The following NRG4 variants were observed in gnomAD, a reference collection of about 807,000 sequenced individuals.
NRG4 encodes pro-neuregulin-4, membrane-bound isoform.
A neutral mutation model predicts 15.0 loss-of-function variants in NRG4; 10 were observed. That is an observed-to-expected ratio of 0.67 (90% CI 0.41 to 1.13). The LOEUF is 1.13. NRG4 is among the 50% of genes most tolerant of loss of function. NRG4 has a pLI of 0.00. For synonymous variants in NRG4, 41 were observed against 50.1 expected, an observed-to-expected ratio of 0.82 and a Z score of 0.77; for missense variants, 139 against 140.2, an observed-to-expected ratio of 0.99 and a Z score of 0.04.
At chr15:75,990,804 T>C (rs2141870625) in intron 3 of NRG4, among the ~76,000 whole-genome samples, 1 of 151,028 alleles carries the variant, frequency 6.6e-6, no homozygotes, top group East Asian at 2.0e-4. Context: ...CACTTCAGCA[T>C]CCTGAGTAGC....
intron 3 of NRG4, among the ~76,000 whole-genome samples, chr15:75,988,492 C>G (rs1156954856): frequency 6.6e-6 from 1 of 152,184 alleles, no homozygotes; most frequent in Non-Finnish European, 1.5e-5. Context: ...CAGCCTACAA[C>G]TCCTTCTAAT....
intron 5 of NRG4, among the ~76,000 whole-genome samples, chr15:76,024,420 T>C (rs1046997866): frequency 1.3e-5 from 2 of 151,982 alleles, no homozygotes; most frequent in African/African-American, 4.8e-5. Flanking sequence ...CAGGACAGCT[T>C]AGAAGCCATG....
intron 3 of NRG4, among the ~76,000 whole-genome samples, chr15:75,989,809 A>C (rs1005573907): frequency 6.6e-6 from 1 of 152,024 alleles, no homozygotes; most frequent in Admixed American, 6.6e-5. Flanking sequence ...TGTATCTAGT[A>C]ATTTTGCATT....
At chr15:76,043,423 T>G (rs1388893258) in intron 4 of NRG4, among the ~76,000 whole-genome samples, 1 of 152,168 alleles carries the variant, frequency 6.6e-6, no homozygotes, top group Non-Finnish European at 1.5e-5. Flanking sequence ...TCAAAAAATT[T>G]AGAACTGATA....
intron 4 of NRG4, among the ~76,000 whole-genome samples, chr15:76,051,241 G>A (rs2036005565): frequency 1.3e-5 from 2 of 148,812 alleles, no homozygotes; most frequent in South Asian, 2.1e-4. Context: ...TCCTGACCTC[G>A]TGATCCGCCC....
At chr15:75,964,828 A>G (rs2032711868) in intron 3 of NRG4, among the ~76,000 whole-genome samples, 1 of 152,094 alleles carries the variant, frequency 6.6e-6, no homozygotes, top group South Asian at 2.1e-4. Flanking sequence ...CAGGAGGCTG[A>G]GGTGGGAGAA....
intron 5 of NRG4, among the ~76,000 whole-genome samples, chr15:76,018,396 T>G (rs547756078): frequency 2.0e-5 from 3 of 152,284 alleles, no homozygotes; most frequent in Admixed American, 2.0e-4. Flanking sequence ...TCCTTTGGAG[T>G]AGAAGAGGCG....
At chr15:76,042,555 A>G (rs1380221842) in intron 4 of NRG4, among the ~76,000 whole-genome samples, 1 of 151,270 alleles carries the variant, frequency 6.6e-6, no homozygotes, top group Non-Finnish European at 1.5e-5. Context: ...TTGAAAAGCC[A>G]AGAAGAAATG....
intron 3 of NRG4, among the ~76,000 whole-genome samples, chr15:76,003,261 TAAAC>T (rs1003906510): frequency 3.7e-4 from 56 of 152,248 alleles, no homozygotes; most frequent in African/African-American, 1.2e-3. Flanking sequence ...ACATTTGAAT[TAAAC>T]AAAATGAAAA....
chr15:76,004,492 A>C (rs1596012377), intron 3 of NRG4, among the ~76,000 whole-genome samples: 1 of 151,518 alleles, frequency 6.6e-6, no homozygotes, highest in South Asian at 2.1e-4. Flanking sequence ...CCAGCTACTC[A>C]GGAGGCTGAG....
At chr15:76,025,864 G>A (rs1267959857) in intron 5 of NRG4, among the ~76,000 whole-genome samples, 1 of 151,884 alleles carries the variant, frequency 6.6e-6, no homozygotes, top group South Asian at 2.1e-4. Flanking sequence ...GTGACAGAGT[G>A]AGACTTTGTC....
intron 5 of NRG4, among the ~76,000 whole-genome samples, chr15:75,954,268 T>G (rs11634260): frequency 0.18 from 27,652 of 150,074 alleles, 2,940 homozygotes; most frequent in Non-Finnish European, 0.25. Flanking sequence ...TTTTTTTGTT[T>G]TTTTTTTTTT....
At chr15:76,030,075 G>T (rs185177289) in intron 5 of NRG4, among the ~76,000 whole-genome samples, 2 of 152,034 alleles carry the variant, frequency 1.3e-5, no homozygotes, top group African/African-American at 2.4e-5. Flanking sequence ...TGGCTAACAC[G>T]GTGAAACCCC....
At position 75,941,285 on chromosome 15, in the gene NRG4, G is replaced by A. The variant is rs146614515; in HGVS notation, c.*2353C>T. On this transcript the variant is annotated 3_prime_UTR_variant, in exon 6 of 6. Coordinates refer to ENST00000394907, the MANE Select transcript of NRG4 (RefSeq NM_138573.4). ...TTATTAAAATTAAAAAAACACACAA[G>A]TGTTGGCAAGGATGTGGAGAAATTG... 3.9e-5 allele frequency: 6 copies of A among 152,106 alleles called. No homozygotes were observed. The highest frequency in any genetic ancestry group is 1.4e-4 in the African/African-American group (6 of 41,428). The allele number at this position is 152,106 out of a possible 1,614,324, so 9.4% of individuals were successfully genotyped here.
At chr15:76,013,540 C>T (rs139394361), upstream of NRG4, among the ~76,000 whole-genome samples, 85 of 152,192 alleles carry the variant, frequency 5.6e-4, no homozygotes, top group South Asian at 2.7e-3. Flanking sequence ...TGTTCTCCTC[C>T]CTGTGTCCAT....
intron 4 of NRG4, among the ~76,000 whole-genome samples, chr15:76,037,678 C>T (rs111589190): frequency 5.3e-5 from 8 of 152,010 alleles, no homozygotes; most frequent in Non-Finnish European, 1.0e-4. Flanking sequence ...GTGGACTTAC[C>T]GGTCATGAGA....
chr15:75,982,124 A>G (rs1321722499), intron 3 of NRG4, among the ~76,000 whole-genome samples: 1 of 152,226 alleles, frequency 6.6e-6, no homozygotes, highest in Non-Finnish European at 1.5e-5. Context: ...AAAACTTAGA[A>G]AAGGAGAAAA....
intron 3 of NRG4, among the ~76,000 whole-genome samples, chr15:76,002,181 T>C (rs2034440264): frequency 6.6e-6 from 1 of 152,148 alleles, no homozygotes; most frequent in Non-Finnish European, 1.5e-5. Context: ...ACAACAATAG[T>C]ACCAAGGGAA....
At chr15:76,056,117 AT>A (rs978451545) in intron 2 of NRG4, among the ~76,000 whole-genome samples, 33 of 152,262 alleles carry the variant, frequency 2.2e-4, no homozygotes, top group African/African-American at 7.9e-4. Flanking sequence ...AATCATATTT[AT>A]TTGCTAAAGT....
Sources: gnomAD v4.1 joint callset for allele counts (sites outside exome capture counted in the v4.1 genomes callset) on GRCh38, gnomAD v4.1.1 for gene constraint, MANE v1.5 for transcripts, NCBI Gene and HGNC (gene_info 2026-07-23, HGNC 2026-07-21) for gene names.